The following FAM210A variants were observed in gnomAD, a reference collection of about 807,000 sequenced individuals.
The protein encoded by FAM210A is family with sequence similarity 210 member A.
In FAM210A, 13 loss-of-function variants were observed where a neutral mutation model predicts 25.3. That is an observed-to-expected ratio of 0.51 (90% confidence interval 0.33 to 0.82). FAM210A has a LOEUF of 0.82. FAM210A is among the 40% of genes least tolerant of loss of function. FAM210A has a pLI of 0.02. For missense variants in FAM210A, 319 were observed against 323.2 expected (o/e 0.99, Z 0.10); for synonymous variants, 125 against 118.7 (o/e 1.05, Z -0.35).
At chr18:13,719,319 TACC>T (rs1417888735) in intron 1 of FAM210A, among the ~76,000 whole-genome samples, 3 of 152,184 alleles carry the variant, frequency 2.0e-5, no homozygotes, top group Admixed American at 6.5e-5. Flanking sequence ...CCAAATAAAA[TACC>T]ACGTTTAATT....
At chr18:13,681,571 A>C in intron 2 of FAM210A, 34 bp downstream of exon 2, 1 of 1,480,978 alleles carries the variant, frequency 6.8e-7, no homozygotes, top group Non-Finnish European at 9.1e-7. Flanking sequence ...TTCTGGTAAG[A>C]CAGGGAAAGA....
At chr18:13,691,822 G>T (rs374065284) in intron 1 of FAM210A, among the ~76,000 whole-genome samples, 34,037 of 41,344 alleles carry the variant, frequency 0.82, 14,807 homozygotes, top group East Asian at 0.93. Flanking sequence ...AGACCATCGA[G>T]GCTAGGAAGA....
intron 2 of FAM210A, among the ~76,000 whole-genome samples, chr18:13,674,168 A>G (rs1310073197): frequency 1.3e-5 from 2 of 148,348 alleles, no homozygotes; most frequent in Non-Finnish European, 3.0e-5. Context: ...GATTATTAAC[A>G]TTCCTGAGCC....
chr18:13,694,663 T>C (rs1021927753), intron 1 of FAM210A, among the ~76,000 whole-genome samples: 3 of 152,216 alleles, frequency 2.0e-5, no homozygotes, highest in Non-Finnish European at 2.9e-5. Context: ...TGGCTAGCCA[T>C]ATGTAGAAAG....
At position 13,671,928 on chromosome 18, in the gene FAM210A, G is replaced by A. The variant is rs2043446381; in HGVS notation, c.519C>T (p.Asp173=). The part of the protein sequence containing the change: ...VPFLELIGLP[D]SVVSILKNSQ... The stretch of plus-strand genomic sequence containing the variant: ...AGTTTTTCAGGATGCTTACCACACT[G>A]TCAGGTAACCCAATGAGTTCTAGAA... The change falls in exon 3 of 4, where the codon GAC becomes GAT. Residue 173 remains aspartate (D), a synonymous_variant. Transcript: ENST00000651643. 8 of 1,612,274 alleles carry A rather than the reference G, an allele frequency of 5.0e-6. No individual in the cohort carries two copies. The highest frequency in any genetic ancestry group is 6.8e-6 in the Non-Finnish European group (8 of 1,179,358).
intron 2 of FAM210A, among the ~76,000 whole-genome samples, chr18:13,672,599 G>A (rs1313233303): frequency 6.6e-6 from 1 of 152,106 alleles, no homozygotes; most frequent in African/African-American, 2.4e-5. Flanking sequence ...TAGTAGACAT[G>A]GGGCTTCATC....
chr18:13,724,246 G>A (rs2043917372), intron 1 of FAM210A, among the ~76,000 whole-genome samples: 1 of 152,152 alleles, frequency 6.6e-6, no homozygotes, highest in Non-Finnish European at 1.5e-5. Flanking sequence ...TCTACTATTT[G>A]CTAGGCAACG....
chr18:13,672,736 G>A (rs2149052120), intron 2 of FAM210A, among the ~76,000 whole-genome samples: 1 of 152,252 alleles, frequency 6.6e-6, no homozygotes, highest in Non-Finnish European at 1.5e-5. Flanking sequence ...GTGTAAAATT[G>A]CACTGTAAAA....
chr18:13,725,823 G>A (rs970109544), intron 1 of FAM210A, among the ~76,000 whole-genome samples: 3 of 152,140 alleles, frequency 2.0e-5, no homozygotes, highest in Non-Finnish European at 4.4e-5. Flanking sequence ...AGCCAACGCA[G>A]ACTAATGCAT....
At chr18:13,684,913 C>G (rs974717915) in intron 1 of FAM210A, among the ~76,000 whole-genome samples, 6 of 151,878 alleles carry the variant, frequency 4.0e-5, no homozygotes, top group Non-Finnish European at 8.8e-5. Context: ...GCCGGGAACT[C>G]CCCCCACTCC....
At chr18:13,701,198 A>T (rs1017144842) in intron 1 of FAM210A, among the ~76,000 whole-genome samples, 1 of 152,208 alleles carries the variant, frequency 6.6e-6, no homozygotes, top group African/African-American at 2.4e-5. Context: ...TTGATCCCTC[A>T]GAGCAGCTGG....
intron 1 of FAM210A, among the ~76,000 whole-genome samples, chr18:13,691,031 C>G (rs1176633047): frequency 6.6e-6 from 1 of 152,110 alleles, no homozygotes; most frequent in African/African-American, 2.4e-5. Context: ...AAATGGCTAA[C>G]TAGAATAAAC....
chr18:13,722,529 A>T (rs892905936), intron 1 of FAM210A, among the ~76,000 whole-genome samples: 1 of 152,244 alleles, frequency 6.6e-6, no homozygotes, highest in Non-Finnish European at 1.5e-5. Context: ...CTGGCAAAAA[A>T]GAGTGAGTCA....
chr18:13,691,359 C>A (rs566027990), intron 1 of FAM210A, among the ~76,000 whole-genome samples: 20 of 152,118 alleles, frequency 1.3e-4, no homozygotes, highest in Admixed American at 2.6e-4. Context: ...AGAACTTCCC[C>A]AGCCTAGCAA....
intron 1 of FAM210A, among the ~76,000 whole-genome samples, chr18:13,697,849 A>T (rs2043707094): frequency 6.6e-6 from 1 of 152,188 alleles, no homozygotes; most frequent in East Asian, 1.9e-4. Context: ...TGGATAAACA[A>T]ATTGTGGCAC....
intron 1 of FAM210A, among the ~76,000 whole-genome samples, chr18:13,714,948 T>C (rs141460195): frequency 0.012 from 1,895 of 152,276 alleles, 43 homozygotes; most frequent in African/African-American, 0.04. Context: ...TATTTTAAGT[T>C]CTTCAAGAAA....
chr18:13,667,154 A>AAACC (rs1458803665), intron 3 of FAM210A, among the ~76,000 whole-genome samples: 6 of 152,246 alleles, frequency 3.9e-5, no homozygotes, highest in Admixed American at 2.0e-4. Context: ...GCAGAGCATG[A>AAACC]AACCACTCTC....
intron 1 of FAM210A, among the ~76,000 whole-genome samples, chr18:13,706,870 C>G (rs942841135): frequency 1.3e-5 from 2 of 152,184 alleles, no homozygotes; most frequent in South Asian, 4.1e-4. Flanking sequence ...GAAAAAACCA[C>G]TTAGTTAAGC....
chr18:13,685,087 T>G lies in FAM210A; in HGVS notation c.-28-2982A>C, dbSNP rs1329506138. ...GGACTAAACTTTGACCTTTTTCCTC[T>G]TGTCCAAATTCCTATCTAAGGGGTC... On this transcript the variant is annotated intron_variant, in intron 1 of 3. Coordinates refer to ENST00000651643, the MANE Select transcript of FAM210A (RefSeq NM_152352.4). Among the ~76,000 whole-genome samples, 4 of 152,334 alleles carry G rather than the reference T, an allele frequency of 2.6e-5. No homozygotes were observed. The East Asian group carries it at 5.8e-4, about 22-fold the overall frequency.
Sources: gnomAD v4.1 joint callset for allele counts (sites outside exome capture counted in the v4.1 genomes callset) on GRCh38, gnomAD v4.1.1 for gene constraint, MANE v1.5 for transcripts, NCBI Gene and HGNC (gene_info 2026-07-23, HGNC 2026-07-21) for gene names.